SLC24A3: variants seen among roughly 807,000 people sequenced by gnomAD.
SLC24A3 encodes sodium/potassium/calcium exchanger 3.
In SLC24A3, 28 loss-of-function variants were observed where a neutral mutation model predicts 75.8. The observed-to-expected ratio is 0.37, with a 90% CI of 0.27 to 0.51. The LOEUF is 0.51. Ranked by LOEUF, SLC24A3 falls within the 20% of genes least tolerant of loss-of-function variation. The probability of loss-of-function intolerance (pLI) is 0.94; values close to 1 mark genes in which losing one functional copy is unlikely to be tolerated. For missense variants in SLC24A3, 663 were observed against 847.8 expected (o/e 0.78, Z 2.71); for synonymous variants, 372 against 334.1 (o/e 1.11, Z -1.24).
In SLC24A3 at chr20:19,585,555, CG is replaced by C; in HGVS notation, c.612+13del. The C allele has an allele frequency of 6.2e-7, 1 of 1,611,338 alleles. No homozygotes were observed. Among genetic ancestry groups the C allele is most frequent in the Non-Finnish European group, 8.5e-7 (1 of 1,178,522 alleles). On this transcript the variant is annotated intron_variant, in intron 6 of 16. Transcript: ENST00000328041. ...CTCTTTGCTGGGCAGGTAAGACTGG[CG>C]GCTTCTTTGTGATGGCAAAATGTGA...
chr20:19,697,526 C>T (rs1473808319), intron 14 of SLC24A3: 1 of 152,522 alleles, frequency 6.6e-6, no homozygotes, highest in Non-Finnish European at 1.5e-5. Flanking sequence ...CAGAGTGTGA[C>T]AGATCCTTCC....
At chr20:19,636,658 A>G (rs1372248058) in intron 6 of SLC24A3, among the ~76,000 whole-genome samples, 2 of 152,200 alleles carry the variant, frequency 1.3e-5, no homozygotes, top group African/African-American at 4.8e-5. Context: ...GCCAGCAATC[A>G]GCCTTCCTGT....
intron 2 of SLC24A3, among the ~76,000 whole-genome samples, chr20:19,369,926 T>C (rs1161338171): frequency 2.0e-5 from 3 of 152,238 alleles, no homozygotes; most frequent in African/African-American, 7.2e-5. Context: ...CTTCGGCCTC[T>C]CAAAGTGCTG....
Position 19,497,973 on chromosome 20 carries a change from G to A in SLC24A3, c.272-17515G>A, listed in dbSNP as rs897398222. On this transcript the variant is annotated intron_variant, in intron 2 of 16. Transcript: ENST00000328041. ...TGGATGAGCAAGTAAAGCTTCATCCGTATTTACAGCCACTCCCCACGGCTC... is the reference window on the plus strand; with the variant it reads ...TGGATGAGCAAGTAAAGCTTCATCCATATTTACAGCCACTCCCCACGGCTC... Among the ~76,000 whole-genome samples, 8 of 152,226 alleles carry A rather than the reference G, an allele frequency of 5.3e-5. No individual in the cohort carries two copies. The South Asian group carries it at 6.2e-4, about 12-fold the overall frequency.
chr20:19,241,333 G>T (rs527383875), intron 1 of SLC24A3, among the ~76,000 whole-genome samples: 1 of 152,296 alleles, frequency 6.6e-6, no homozygotes, highest in South Asian at 2.1e-4. Context: ...CCCAGGGTTT[G>T]TGCACACAAT....
intron 6 of SLC24A3, among the ~76,000 whole-genome samples, chr20:19,648,144 G>A (rs2032160153): frequency 6.6e-6 from 1 of 152,200 alleles, no homozygotes; most frequent in Non-Finnish European, 1.5e-5. Flanking sequence ...GCAGACAGTA[G>A]TACTGAGACT....
chr20:19,596,403 T>A (rs1403961039), intron 6 of SLC24A3, among the ~76,000 whole-genome samples: 1 of 152,208 alleles, frequency 6.6e-6, no homozygotes, highest in African/African-American at 2.4e-5. Flanking sequence ...TATAAATTGA[T>A]TAAGCAATAT....
intron 2 of SLC24A3, among the ~76,000 whole-genome samples, chr20:19,328,944 A>G (rs930423720): frequency 3.3e-5 from 5 of 152,224 alleles, no homozygotes; most frequent in African/African-American, 1.2e-4. Context: ...AGGAGCAGCC[A>G]TCGAGGCGGG....
In SLC24A3 at chr20:19,658,722, C is replaced by G. The variant is rs149620410; in HGVS notation, c.687+4586C>G. Reference sequence around the variant, plus strand: ...AGAAGGCTCCCCCAATGCCTTCAGTCTCTTTTTGCAAGACAGACATCACCT... The same window carrying G: ...AGAAGGCTCCCCCAATGCCTTCAGTGTCTTTTTGCAAGACAGACATCACCT... On this transcript the variant is annotated intron_variant, in intron 7 of 16. Coordinates refer to ENST00000328041, the MANE Select transcript of SLC24A3 (RefSeq NM_020689.4). Among the ~76,000 whole-genome samples, 331 of 152,260 alleles carry G rather than the reference C, an allele frequency of 2.2e-3. 3 individuals carry two copies. Among genetic ancestry groups the G allele is most frequent in the Admixed American group, 0.019 (290 of 15,302 alleles).
At chr20:19,651,835 TG>T (rs1357535721) in intron 6 of SLC24A3, among the ~76,000 whole-genome samples, 2 of 140,118 alleles carry the variant, frequency 1.4e-5, no homozygotes, top group Non-Finnish European at 3.0e-5. Context: ...CACTCCAGCC[TG>T]GGTGACAGAG....
At chr20:19,416,313 A>C (rs1986826454) in intron 2 of SLC24A3, among the ~76,000 whole-genome samples, 1 of 152,224 alleles carries the variant, frequency 6.6e-6, no homozygotes, top group South Asian at 2.1e-4. Flanking sequence ...CCGATTCAGG[A>C]AACGTGGCCC....
chr20:19,509,805 T>G (rs1988510537), intron 2 of SLC24A3, among the ~76,000 whole-genome samples: 1 of 152,172 alleles, frequency 6.6e-6, no homozygotes, highest in Non-Finnish European at 1.5e-5. Context: ...AGGAGGATCC[T>G]CAGAGGCCAC....
chr20:19,396,029 C>T (rs1282497005), intron 2 of SLC24A3, among the ~76,000 whole-genome samples: 1 of 152,108 alleles, frequency 6.6e-6, no homozygotes. Context: ...CATGACACAA[C>T]AATGATTACT....
chr20:19,693,225 T>TA (rs771169778), intron 12 of SLC24A3, 34 bp from the exon 13 acceptor site: 1 of 1,585,894 alleles, frequency 6.3e-7, no homozygotes, highest in Non-Finnish European at 8.6e-7. Context: ...GTTATTTTTT[T>TA]TTTATTTCTT....
intron 6 of SLC24A3, among the ~76,000 whole-genome samples, chr20:19,586,758 C>T (rs967731421): frequency 5.9e-5 from 9 of 152,148 alleles, no homozygotes; most frequent in African/African-American, 1.2e-4. Flanking sequence ...TGGATCTCAT[C>T]GGGATTCAGC....
chr20:19,336,663 G>A lies in SLC24A3; in HGVS notation c.271+55576G>A, dbSNP rs1287212306. ...TTCCCAAAGTGCTGGGATTAGAGGC[G>A]TGAGCCACTGTGCCCGCCCGCCACC... On this transcript the variant is annotated intron_variant, in intron 2 of 16. Coordinates refer to ENST00000328041, the MANE Select transcript of SLC24A3 (RefSeq NM_020689.4). Among the ~76,000 whole-genome samples the A allele has an allele frequency of 8.8e-5, 13 of 147,646 alleles. 1 individual carries two copies. The highest frequency in any genetic ancestry group is 3.0e-4 in the African/African-American group (12 of 39,930).
intron 8 of SLC24A3, among the ~76,000 whole-genome samples, chr20:19,666,721 T>C (rs563836852): frequency 6.6e-6 from 1 of 152,264 alleles, no homozygotes; most frequent in East Asian, 1.9e-4. Flanking sequence ...TGGTGGCTCA[T>C]GCCTGTAATC....
intron 6 of SLC24A3, among the ~76,000 whole-genome samples, chr20:19,608,794 A>G (rs2031631991): frequency 6.6e-6 from 1 of 152,184 alleles, no homozygotes; most frequent in Non-Finnish European, 1.5e-5. Context: ...ATATTCACTA[A>G]TGATCTGACC....
intron 2 of SLC24A3, among the ~76,000 whole-genome samples, chr20:19,300,665 T>G (rs1984173352): frequency 6.6e-6 from 1 of 152,156 alleles, no homozygotes; most frequent in Non-Finnish European, 1.5e-5. Flanking sequence ...CATCACTCAC[T>G]TCCTTCCTTC....
Sources: allele counts gnomAD v4.1 joint callset (sites outside exome capture counted in the v4.1 genomes callset), GRCh38; gene constraint gnomAD v4.1.1; transcripts MANE v1.5; gene names NCBI Gene and HGNC (gene_info 2026-07-23, HGNC 2026-07-21).